BIRC3: variants seen among roughly 807,000 people sequenced by gnomAD.
BIRC3 encodes baculoviral IAP repeat-containing protein 3.
In BIRC3, 26 loss-of-function variants were observed where a neutral mutation model predicts 59.0. The ratio of observed to expected loss-of-function variants is 0.44; its 90% CI spans 0.32 to 0.61. BIRC3 has a LOEUF of 0.61. BIRC3 is among the 20% of genes least tolerant of loss of function. BIRC3 has a pLI of 0.04. For missense variants in BIRC3, 641 were observed against 711.5 expected (o/e 0.90, Z 1.13); for synonymous variants, 243 against 249.2 (o/e 0.98, Z 0.24).
chr11:102,332,325 T>G (rs1181251574), intron 6 of BIRC3, among the ~76,000 whole-genome samples: 1 of 152,210 alleles, frequency 6.6e-6, no homozygotes, highest in Admixed American at 6.5e-5. Context: ...CTGCAACTTT[T>G]AACAAGCTCT....
rs151238797 is a variant in BIRC3 at position 102,324,308 on chromosome 11, A to G, written c.-202A>G. The G allele has an allele frequency of 4.0e-4, 204 of 513,206 alleles. No homozygotes were observed. Among genetic ancestry groups the G allele is most frequent in the African/African-American group, 3.6e-3 (184 of 51,630 alleles). The allele number at this position is 513,206 out of a possible 1,614,324, so 31.8% of individuals were successfully genotyped here. The stretch of plus-strand genomic sequence containing the variant: ...TGTATAAAGATTATACAAAGGTGCA[A>G]TTGTGTATTTCTTCCTTAAAATGTA... On this transcript the variant is annotated 5_prime_UTR_variant, in exon 2 of 9. Transcript: ENST00000263464.
rs879402442 is a variant in BIRC3, at chr11:102,327,497, G to A, written c.954-555G>A. On this transcript the variant is annotated intron_variant, in intron 3 of 8. Coordinates refer to ENST00000263464, the MANE Select transcript of BIRC3 (RefSeq NM_001165.5). Reference sequence around the variant, plus strand: ...TCCACTAAAAATGCAAAAATTAGCCGGCCATGGTGGCAGGCACCTGCAAGC... The same window carrying A: ...TCCACTAAAAATGCAAAAATTAGCCAGCCATGGTGGCAGGCACCTGCAAGC... Among the ~76,000 whole-genome samples, 5 of 151,882 alleles carry A rather than the reference G, an allele frequency of 3.3e-5. 1 individual carries two copies. Among genetic ancestry groups the A allele is most frequent in the African/African-American group, 7.3e-5 (3 of 41,342 alleles).
At chr11:102,335,024 C>T (rs1414273301) in intron 6 of BIRC3, among the ~76,000 whole-genome samples, 3 of 152,104 alleles carry the variant, frequency 2.0e-5, no homozygotes, top group Admixed American at 1.3e-4. Context: ...GCGGATCACT[C>T]GAGGCCAGGA....
chr11:102,319,239 G>C (rs924242965), intron 1 of BIRC3, among the ~76,000 whole-genome samples: 1 of 151,938 alleles, frequency 6.6e-6, no homozygotes, highest in Non-Finnish European at 1.5e-5. Context: ...GTAGAGACGG[G>C]GTTTCACCGT....
chr11:102,331,799 C>T (rs1030868870), intron 6 of BIRC3, among the ~76,000 whole-genome samples: 8 of 152,138 alleles, frequency 5.3e-5, no homozygotes, highest in African/African-American at 1.9e-4. Flanking sequence ...TGCCACCATG[C>T]CAGGCTAATT....
chr11:102,334,828 G>A (rs1445874254), intron 6 of BIRC3, among the ~76,000 whole-genome samples: 3 of 152,098 alleles, frequency 2.0e-5, no homozygotes, highest in Non-Finnish European at 4.4e-5. Context: ...TTGACAAATA[G>A]GGTTTATTAT....
Position 102,323,383 on chromosome 11 carries a change from G to T in BIRC3, c.-1127G>T, listed in dbSNP as rs554573767. ...AGAGTCTCTTTTTGCAGCACCTGTTGTCTACCATAATTACAGAGGACATTT... is the reference window on the plus strand; with the variant it reads ...AGAGTCTCTTTTTGCAGCACCTGTTTTCTACCATAATTACAGAGGACATTT... On this transcript the variant is annotated 5_prime_UTR_variant, in exon 2 of 9. Transcript: ENST00000263464. The T allele has an allele frequency of 8.6e-4, 165 of 192,826 alleles. No homozygotes were observed. Among genetic ancestry groups the T allele is most frequent in the African/African-American group, 3.6e-3 (154 of 43,232 alleles). The allele number at this position is 192,826 out of a possible 1,614,324, so 11.9% of individuals were successfully genotyped here. A position where few individuals can be genotyped will look rare whatever the true frequency, so the allele number is the denominator to read the frequency against.
In BIRC3 at chr11:102,325,323, A is replaced by G. The variant is rs370712639; in HGVS notation, c.814A>G (p.Asn272Asp). The stretch of plus-strand genomic sequence containing the variant: ...TAACTGGCCCTCTAGTGTTCTAGTT[A>G]ATCCTGAGCAGCTTGCAAGTGCGGG... ...FFNWPSSVLV[N>D]PEQLASAGFY... is the part of the protein sequence containing the mutation. Residue 272 changes from asparagine to aspartate, a missense_variant, in exon 2 of 9, where the codon AAT becomes GAT. This residue lies in a region of BIRC3 where 329 missense variants were observed against 365.6 expected (regional missense o/e 0.90). Coordinates refer to ENST00000263464, the MANE Select transcript of BIRC3 (RefSeq NM_001165.5). The G allele has an allele frequency of 6.2e-7, 1 of 1,606,380 alleles. No homozygotes were observed. The highest frequency in any genetic ancestry group is 1.3e-5 in the African/African-American group (1 of 74,460).
rs1951069332 is a variant in BIRC3, at chr11:102,325,120, C to T, written c.611C>T (p.Ala204Val). 1.9e-6 allele frequency: 3 copies of T among 1,614,054 alleles called. No homozygotes were observed. In the African/African-American group the frequency reaches 4.0e-5, roughly 22 times the overall value. The change falls in exon 2 of 9, where the codon GCT becomes GTT. Residue 204 changes from alanine to valine, a missense_variant. Around this residue, in one of 4 missense-constraint regions of BIRC3, gnomAD observed 329 missense variants for 365.6 expected, o/e 0.90. Transcript: ENST00000263464. ...FYYIGPGDRV[A>V]CFACGGKLSN... ...TACATAGGACCTGGAGACAGAGTGG[C>T]TTGCTTTGCCTGTGGTGGAAAATTG...
chr11:102,329,452 A>G lies in BIRC3; in HGVS notation c.1081+507A>G, dbSNP rs112113247. Among the ~76,000 whole-genome samples the G allele has an allele frequency of 2.0e-3, 305 of 152,266 alleles. 2 individuals are homozygous for G. Among genetic ancestry groups the G allele is most frequent in the African/African-American group, 7.1e-3 (294 of 41,568 alleles). On this transcript the variant is annotated intron_variant, in intron 5 of 8. Coordinates refer to ENST00000263464, the MANE Select transcript of BIRC3 (RefSeq NM_001165.5). ...ACAAGCCCCTCTACTCCATTATCTC[A>G]TGTTCAATTCAATTCAGTATATATT...
chr11:102,333,647 C>T (rs1459816565), intron 6 of BIRC3, among the ~76,000 whole-genome samples: 1 of 151,884 alleles, frequency 6.6e-6, no homozygotes, highest in African/African-American at 2.4e-5. Flanking sequence ...TCAGGAGGCT[C>T]AGGTACAAAA....
rs868079563 is a variant in BIRC3, at chr11:102,337,447, G to A, written c.*345G>A. On this transcript the variant is annotated 3_prime_UTR_variant, in exon 9 of 9. Coordinates refer to ENST00000263464, the MANE Select transcript of BIRC3 (RefSeq NM_001165.5). ...AATATTTTGGCATTGTACTAATACC[G>A]GGAACATGAAGCCAGGTGTGGTGGT... 5 of 399,452 alleles carry A rather than the reference G, an allele frequency of 1.3e-5. No homozygotes were observed. The highest frequency in any genetic ancestry group is 1.1e-4 in the East Asian group (3 of 28,118). The allele number at this position is 399,452 out of a possible 1,614,324, so 24.7% of individuals were successfully genotyped here. A position where few individuals can be genotyped will look rare whatever the true frequency, so the allele number is the denominator to read the frequency against.
rs1951219529 is a variant in BIRC3 at position 102,338,311 on chromosome 11, T to C, written c.*1209T>C. On this transcript the variant is annotated 3_prime_UTR_variant, in exon 9 of 9. Coordinates refer to ENST00000263464, the MANE Select transcript of BIRC3 (RefSeq NM_001165.5). Reference sequence around the variant, plus strand: ...TCTAAACCAGTTCTAGATGTCTGTATAGGGGCAGATGGCTCTGTAAGGGCA... The same window carrying C: ...TCTAAACCAGTTCTAGATGTCTGTACAGGGGCAGATGGCTCTGTAAGGGCA... The C allele has an allele frequency of 4.4e-6, 1 of 228,210 alleles. No homozygotes were observed. Among genetic ancestry groups the C allele is most frequent in the East Asian group, 6.3e-5 (1 of 15,966 alleles). 14.1% of individuals were successfully genotyped at this position (228,210 alleles called of 1,614,324 possible). A position where few individuals can be genotyped will look rare whatever the true frequency, so the allele number is the denominator to read the frequency against.
Position 102,339,142 on chromosome 11 carries a change from T to C in BIRC3, c.*2040T>C, listed in dbSNP as rs1246265371. ...GGGTGCTAGGCTGAATTATTTGTAATTGTGCTTAGGTGATTTGTAACTCAG... is the reference window on the plus strand; with the variant it reads ...GGGTGCTAGGCTGAATTATTTGTAACTGTGCTTAGGTGATTTGTAACTCAG... On this transcript the variant is annotated 3_prime_UTR_variant, in exon 9 of 9. Coordinates refer to ENST00000263464, the MANE Select transcript of BIRC3 (RefSeq NM_001165.5). The C allele has an allele frequency of 9.7e-6, 2 of 205,486 alleles. No individual in the cohort carries two copies. The highest frequency in any genetic ancestry group is 2.0e-5 in the Non-Finnish European group (2 of 100,614). 12.7% of individuals were successfully genotyped at this position (205,486 alleles called of 1,614,324 possible). A position where few individuals can be genotyped will look rare whatever the true frequency, so the allele number is the denominator to read the frequency against.
chr11:102,328,822 T>G (rs1307005832), intron 4 of BIRC3, 75 bp from the exon 5 acceptor site: 2 of 580,050 alleles, frequency 3.4e-6, no homozygotes, highest in South Asian at 6.3e-5. Flanking sequence ...TGGGTCATTT[T>G]CATTGCAATG....
chr11:102,325,912 AG>A (rs1951076323), intron 3 of BIRC3, among the ~76,000 whole-genome samples: 1 of 152,166 alleles, frequency 6.6e-6, no homozygotes, highest in African/African-American at 2.4e-5. Context: ...TTACCACTTT[AG>A]TGAACATCCC....
At chr11:102,329,948 AG>A in intron 5 of BIRC3, among the ~76,000 whole-genome samples, 1 of 151,878 alleles carries the variant, frequency 6.6e-6, no homozygotes, top group East Asian at 1.9e-4. Context: ...ATTTAAAAAA[AG>A]GAAAAAAAGA....
intron 7 of BIRC3, 33 bp from the exon 8 acceptor site, chr11:102,336,727 G>C (rs755044874): frequency 1.3e-6 from 2 of 1,582,870 alleles, no homozygotes; most frequent in South Asian, 2.3e-5. Flanking sequence ...AACCTTATTT[G>C]TCATAGTAAT....
At chr11:102,336,587 C>CA (rs990903076) in intron 7 of BIRC3, 173 bp from the exon 8 acceptor site, 341 of 660,436 alleles carry the variant, frequency 5.2e-4, no homozygotes, top group East Asian at 6.3e-4. Flanking sequence ...GACTCTGTCT[C>CA]AAAAAAAAAT....
Sources: allele counts gnomAD v4.1 joint callset (sites outside exome capture counted in the v4.1 genomes callset), GRCh38; gene constraint gnomAD v4.1.1; regional missense constraint gnomAD v4.1.1; transcripts MANE v1.5; gene names NCBI Gene and HGNC (gene_info 2026-07-23, HGNC 2026-07-21).